LINGO2: variants seen among roughly 807,000 people sequenced by gnomAD.
LINGO2 encodes the protein leucine-rich repeat and immunoglobulin-like domain-containing nogo receptor-interacting protein 2.
A neutral mutation model predicts 30.6 loss-of-function variants in LINGO2; 14 were observed. The observed-to-expected ratio is 0.46, with a 90% CI of 0.30 to 0.72. The LOEUF (loss-of-function observed/expected upper bound fraction) is 0.72. Among genes scored for constraint, LINGO2 ranks in the 30% least tolerant of loss-of-function variants. LINGO2 has a pLI of 0.07. For synonymous variants in LINGO2, 317 were observed against 288.5 expected, an observed-to-expected ratio of 1.10 and a Z score of -1.00; for missense variants, 729 against 751.7, an observed-to-expected ratio of 0.97 and a Z score of 0.35.
At chr9:28,104,919 T>G (rs1330088820) in intron 4 of LINGO2, among the ~76,000 whole-genome samples, 2 of 151,344 alleles carry the variant, frequency 1.3e-5, no homozygotes, top group Non-Finnish European at 2.9e-5. Context: ...CACACACAAA[T>G]GAATGTGCTA....
At chr9:28,830,015 GACA>G in the LINGO2 span, among the ~76,000 whole-genome samples, 1 of 152,140 alleles carries the variant, frequency 6.6e-6, no homozygotes, top group Non-Finnish European at 1.5e-5. Context: ...AATACTATCT[GACA>G]ACAAGACAGA....
At chr9:28,990,798 G>A in the LINGO2 span, among the ~76,000 whole-genome samples, 1 of 152,126 alleles carries the variant, frequency 6.6e-6, no homozygotes, top group Non-Finnish European at 1.5e-5. Flanking sequence ...TGAGGTTCCT[G>A]TCTGTTAGAA....
intron 2 of LINGO2, among the ~76,000 whole-genome samples, chr9:28,459,466 G>A (rs758977682): frequency 8.6e-5 from 13 of 151,512 alleles, no homozygotes; most frequent in Non-Finnish European, 1.3e-4. Context: ...GAGTTGAATC[G>A]ATTTCAACAA....
At chr9:28,754,017 A>AC in the LINGO2 span, among the ~76,000 whole-genome samples, 81 of 146,122 alleles carry the variant, frequency 5.5e-4, no homozygotes, top group African/African-American at 1.9e-3. Flanking sequence ...CACACACACA[A>AC]ACACACACAC....
intron 4 of LINGO2, among the ~76,000 whole-genome samples, chr9:28,232,607 G>T (rs985983146): frequency 1.3e-5 from 2 of 151,902 alleles, no homozygotes; most frequent in Non-Finnish European, 1.5e-5. Flanking sequence ...TCATTATTTT[G>T]TGTGTGGTGA....
the LINGO2 span, among the ~76,000 whole-genome samples, chr9:28,910,659 C>T: frequency 6.6e-6 from 1 of 152,016 alleles, no homozygotes; most frequent in African/African-American, 2.4e-5. Flanking sequence ...TGAAGATGTG[C>T]TTGCTTCTCC....
chr9:28,637,102 T>C (rs569816664), intron 1 of LINGO2, among the ~76,000 whole-genome samples: 43 of 152,312 alleles, frequency 2.8e-4, no homozygotes, highest in African/African-American at 9.9e-4. Context: ...TTCTTGTTTT[T>C]GTCAGGTTTG....
intron 3 of LINGO2, among the ~76,000 whole-genome samples, chr9:28,303,732 T>A (rs1362717895): frequency 6.6e-6 from 1 of 152,050 alleles, no homozygotes; most frequent in Non-Finnish European, 1.5e-5. Context: ...AATACCTTTA[T>A]GGGTTATCAT....
intron 4 of LINGO2, among the ~76,000 whole-genome samples, chr9:28,214,168 T>G (rs1420948797): frequency 6.6e-6 from 1 of 151,618 alleles, no homozygotes; most frequent in Non-Finnish European, 1.5e-5. Context: ...GTCAGCATCT[T>G]TCATAGTAAA....
At chr9:28,954,507 T>C in the LINGO2 span, among the ~76,000 whole-genome samples, 1 of 152,118 alleles carries the variant, frequency 6.6e-6, no homozygotes, top group Non-Finnish European at 1.5e-5. Context: ...AAAGAAATGA[T>C]GGTGGAAAAT....
chr9:28,760,175 A>G, the LINGO2 span, among the ~76,000 whole-genome samples: 1 of 152,230 alleles, frequency 6.6e-6, no homozygotes, highest in South Asian at 2.1e-4. Context: ...AAATCAGAGT[A>G]TTTCTTTAAG....
At chr9:28,487,137 T>C (rs1441926971) in intron 1 of LINGO2, among the ~76,000 whole-genome samples, 2 of 152,118 alleles carry the variant, frequency 1.3e-5, no homozygotes, top group Non-Finnish European at 2.9e-5. Flanking sequence ...ACAGATCATA[T>C]TGTGGAGACA....
intron 4 of LINGO2, among the ~76,000 whole-genome samples, chr9:28,170,216 G>T (rs1168886754): frequency 1.3e-5 from 2 of 152,216 alleles, no homozygotes; most frequent in African/African-American, 4.8e-5. Flanking sequence ...GGCACGGAAA[G>T]AAGGTTGGTT....
chr9:28,014,598 G>A (rs532936086), intron 4 of LINGO2, among the ~76,000 whole-genome samples: 1 of 152,102 alleles, frequency 6.6e-6, no homozygotes, highest in Non-Finnish European at 1.5e-5. Context: ...TTAGTTCATA[G>A]TAACATTTTA....
At chr9:28,805,560 A>G in the LINGO2 span, among the ~76,000 whole-genome samples, 1 of 152,326 alleles carries the variant, frequency 6.6e-6, no homozygotes, top group African/African-American at 2.4e-5. Flanking sequence ...CGTTTATATT[A>G]AATTCCAATC....
At chr9:27,991,228 GCAA>G (rs200988657) in intron 5 of LINGO2, among the ~76,000 whole-genome samples, 1,849 of 151,900 alleles carry the variant, frequency 0.012, 14 homozygotes, top group Non-Finnish European at 0.018. Flanking sequence ...ACAATGAACG[GCAA>G]CAACAACAAC....
rs964560109 is a variant in LINGO2 at position 27,974,559 on chromosome 9, T to C, written c.-35-23853A>G. On this transcript the variant is annotated intron_variant, in intron 5 of 5. Transcript: ENST00000379992. ...ACAGTCCATGCAATGCTAGTCACCA[T>C]GACTGTGTTCATTACCACCCGGTAT... Among the ~76,000 whole-genome samples the C allele has an allele frequency of 2.0e-5, 3 of 152,240 alleles. No individual in the cohort carries two copies. The East Asian group carries it at 5.8e-4, about 30-fold the overall frequency.
chr9:28,915,980 T>C, the LINGO2 span, among the ~76,000 whole-genome samples: 2 of 152,166 alleles, frequency 1.3e-5, no homozygotes, highest in African/African-American at 2.4e-5. Flanking sequence ...TTCTAAGCCT[T>C]CCCAGCCAAC....
At chr9:28,321,246 A>G (rs1222110307) in intron 3 of LINGO2, among the ~76,000 whole-genome samples, 1 of 152,198 alleles carries the variant, frequency 6.6e-6, no homozygotes. Context: ...TCAAGAATCA[A>G]GAAGCCAGAG....
Sources: allele counts gnomAD v4.1 joint callset (sites outside exome capture counted in the v4.1 genomes callset), GRCh38; gene constraint gnomAD v4.1.1; transcripts MANE v1.5; gene names NCBI Gene and HGNC (gene_info 2026-07-23, HGNC 2026-07-21).